Variants in CLIP2 observed in about 807,000 individuals in gnomAD.
CLIP2 encodes CAP-Gly domain-containing linker protein 2.
A neutral mutation model predicts 111.7 loss-of-function variants in CLIP2; 41 were observed. The ratio of observed to expected loss-of-function variants is 0.37; its 90% CI spans 0.29 to 0.48. CLIP2 has a LOEUF of 0.48. Ranked by LOEUF, CLIP2 falls within the 20% of genes least tolerant of loss-of-function variation. The pLI is 0.99. For missense variants in CLIP2, 1,160 were observed against 1,422.1 expected, an observed-to-expected ratio of 0.82 and a Z score of 2.96; for synonymous variants, 660 against 644.2, an observed-to-expected ratio of 1.02 and a Z score of -0.37.
intron 8 of CLIP2, chr7:74,365,023 G>T: frequency 3.2e-6 from 1 of 317,424 alleles, no homozygotes; most frequent in Admixed American, 3.8e-5. Flanking sequence ...GTGTGTGTGT[G>T]TGTGTGTGTG....
chr7:74,367,378 G>T (rs992605004), intron 8 of CLIP2, among the ~76,000 whole-genome samples: 1 of 152,070 alleles, frequency 6.6e-6, no homozygotes, highest in African/African-American at 2.4e-5. Context: ...TTTTAGTAGA[G>T]ACGAGGTTTC....
At chr7:74,349,516 A>T (rs1272429723) in intron 3 of CLIP2, among the ~76,000 whole-genome samples, 1 of 138,894 alleles carries the variant, frequency 7.2e-6, no homozygotes, top group African/African-American at 2.6e-5. Context: ...ATATATGTAA[A>T]TAAAAATTAA....
rs1554732800 is a variant in CLIP2, at chr7:74,338,907, G to A, written c.581G>A (p.Ser194Asn). The change falls in exon 3 of 17, where the codon AGC becomes AAC. Residue 194 changes from serine (S) to asparagine (N), a missense_variant. Ser to Asn is a conservative substitution (Grantham distance 46, BLOSUM62 1). Coordinates refer to ENST00000223398, the MANE Select transcript of CLIP2 (RefSeq NM_003388.5). This position sits in a 1 kb window ranked among gnomAD's most constrained non-coding sequence, Gnocchi z 4.3. ...CCCCTGCGGGAGAGCGTCCTCAACA[G>A]CTCCGTGAAGACTGGCAACGAGTCG... ...VIPLRESVLN[S>N]SVKTGNESGS... The A allele has an allele frequency of 1.2e-6, 2 of 1,603,944 alleles. No individual in the cohort carries two copies. The highest frequency in any genetic ancestry group is 1.7e-6 in the Non-Finnish European group (2 of 1,179,878).
chr7:74,347,311 T>C (rs764897063), intron 3 of CLIP2, among the ~76,000 whole-genome samples: 83 of 152,250 alleles, frequency 5.5e-4, no homozygotes, highest in Non-Finnish European at 8.2e-4. Flanking sequence ...CTCTGTCGCC[T>C]AGGCTGGAGT....
chr7:74,323,402 A>G (rs182284739), intron 2 of CLIP2, among the ~76,000 whole-genome samples: 94 of 148,918 alleles, frequency 6.3e-4, no homozygotes, highest in African/African-American at 2.2e-3. Context: ...GCTGGCCTAG[A>G]TATCTTTTTT....
intron 13 of CLIP2, among the ~76,000 whole-genome samples, chr7:74,390,278 A>G (rs1460908716): frequency 6.6e-6 from 1 of 152,110 alleles, no homozygotes; most frequent in Non-Finnish European, 1.5e-5. Flanking sequence ...AAACTCCTAA[A>G]AATTATTGAG....
At chr7:74,372,879 C>T (rs1454432985) in intron 8 of CLIP2, 53 bp from the exon 9 acceptor site, 1 of 578,012 alleles carries the variant, frequency 1.7e-6, no homozygotes, top group Admixed American at 2.7e-5. Context: ...CTGTGCCCCC[C>T]TCCCTGCGTC....
intron 3 of CLIP2, among the ~76,000 whole-genome samples, chr7:74,343,577 T>C (rs1180009970): frequency 2.0e-5 from 3 of 152,116 alleles, no homozygotes; most frequent in African/African-American, 4.8e-5. Flanking sequence ...TTTTGCTTTA[T>C]GCTTTTATGG....
intron 8 of CLIP2, among the ~76,000 whole-genome samples, chr7:74,369,701 A>G (rs1237176770): frequency 1.3e-5 from 2 of 148,958 alleles, no homozygotes; most frequent in Non-Finnish European, 1.5e-5. Flanking sequence ...TACTAAAAAT[A>G]CAAAAATTAG....
intron 1 of CLIP2, among the ~76,000 whole-genome samples, chr7:74,292,409 C>CA (rs1788050124): frequency 6.6e-6 from 1 of 152,150 alleles, no homozygotes; most frequent in Non-Finnish European, 1.5e-5. Context: ...TTTTTTGAGA[C>CA]AGCATCTTGC....
At chr7:74,306,589 C>T (rs1263311713) in intron 1 of CLIP2, among the ~76,000 whole-genome samples, 10 of 152,274 alleles carry the variant, frequency 6.6e-5, no homozygotes, top group South Asian at 6.2e-4. Context: ...GGCTGCAGCC[C>T]GCCACCCCCG....
chr7:74,339,201 A>T (rs891887520), intron 3 of CLIP2, among the ~76,000 whole-genome samples, 197 bp downstream of exon 3: 1 of 152,172 alleles, frequency 6.6e-6, no homozygotes, highest in Admixed American at 6.6e-5. Context: ...TGGGCTCTGG[A>T]GACTGTTGCT....
chr7:74,395,182 C>T (rs1263331496), intron 13 of CLIP2, among the ~76,000 whole-genome samples: 27 of 150,640 alleles, frequency 1.8e-4, no homozygotes, highest in African/African-American at 6.1e-4. Flanking sequence ...TTTTCTGAGA[C>T]GGAGTTTTGC....
rs1791504647 is a variant in CLIP2, at chr7:74,397,902, T to G, written c.2880+669T>G. Among the ~76,000 whole-genome samples the G allele has an allele frequency of 2.0e-5, 3 of 151,478 alleles. No homozygotes were observed. In the South Asian group the frequency reaches 6.2e-4, roughly 32 times the overall value. On this transcript the variant is annotated intron_variant, in intron 14 of 16. Coordinates refer to ENST00000223398, the MANE Select transcript of CLIP2 (RefSeq NM_003388.5). ...CAGGATGGTCTCGAACTCCTGACCTTGTGATCCTCCTGCCTCGGCCTCCCA... is the reference window on the plus strand; with the variant it reads ...CAGGATGGTCTCGAACTCCTGACCTGGTGATCCTCCTGCCTCGGCCTCCCA...
chr7:74,403,083 G>A (rs1460964349), intron 16 of CLIP2, among the ~76,000 whole-genome samples: 1 of 151,792 alleles, frequency 6.6e-6, no homozygotes, highest in Non-Finnish European at 1.5e-5. Context: ...TCTGGGTGTG[G>A]TGGCACATGC....
chr7:74,313,907 G>A (rs1240274638), intron 1 of CLIP2, among the ~76,000 whole-genome samples: 1 of 152,168 alleles, frequency 6.6e-6, no homozygotes, highest in Non-Finnish European at 1.5e-5. Flanking sequence ...TGTAGGCTGG[G>A]AGCAGTGGCT....
chr7:74,301,723 G>A (rs1457837436), intron 1 of CLIP2, among the ~76,000 whole-genome samples: 1 of 124,428 alleles, frequency 8.0e-6, no homozygotes, highest in Non-Finnish European at 1.8e-5. Context: ...TGTTTTTTTT[G>A]TTTTTTTGAG....
intron 13 of CLIP2, among the ~76,000 whole-genome samples, chr7:74,391,794 T>C (rs1348799390): frequency 6.6e-6 from 1 of 151,548 alleles, no homozygotes; most frequent in Non-Finnish European, 1.5e-5. Flanking sequence ...CACTCCAGCC[T>C]GGGCAATAGA....
chr7:74,311,550 C>T (rs1327585228), intron 1 of CLIP2, among the ~76,000 whole-genome samples: 1 of 152,062 alleles, frequency 6.6e-6, no homozygotes, highest in Non-Finnish European at 1.5e-5. Context: ...TATATTCAAA[C>T]CTTTCACCCA....
Sources: gnomAD v4.1 joint callset for allele counts (sites outside exome capture counted in the v4.1 genomes callset) on GRCh38, gnomAD v4.1.1 for gene constraint, Gnocchi (gnomAD v3.1) non-coding constraint, MANE v1.5 for transcripts, NCBI Gene and HGNC (gene_info 2026-07-23, HGNC 2026-07-21) for gene names.